The following GARIN3 variants were observed in gnomAD, a reference collection of about 807,000 sequenced individuals.
GARIN3 encodes golgi associated RAB2 interactor family member 3, also known as Golgi-associated RAB2 interactor protein 3.
chr5:157,165,949 TGCCCACTGTCA>T, the GARIN3 span: 1 of 1,614,192 alleles, frequency 6.2e-7, no homozygotes, highest in South Asian at 1.1e-5. Flanking sequence ...GTGCAGACGA[TGCCCACTGTCA>T]CCATTCGGAC....
chr5:157,166,264 T>C, the GARIN3 span: 1 of 1,498,896 alleles, frequency 6.7e-7, no homozygotes, highest in Non-Finnish European at 8.9e-7. Context: ...ACAGGACTTC[T>C]GCCTAAATCT....
chr5:157,163,060 A>C, the GARIN3 span: 1 of 1,614,220 alleles, frequency 6.2e-7, no homozygotes, highest in East Asian at 2.2e-5. Context: ...TTCGCTTTGC[A>C]AGGTGGAGAT....
chr5:157,162,989 T>C, the GARIN3 span: 1 of 1,614,248 alleles, frequency 6.2e-7, no homozygotes, highest in Non-Finnish European at 8.5e-7. Flanking sequence ...TTGTTTTCAT[T>C]CCAGACTTCA....
chr5:157,164,025 G>A, the GARIN3 span, among the ~76,000 whole-genome samples: 8 of 151,324 alleles, frequency 5.3e-5, no homozygotes, highest in African/African-American at 1.7e-4. Flanking sequence ...CCACTCCACT[G>A]CACTCCAGCC....
At chr5:157,162,906 G>T in the GARIN3 span, 9 of 1,614,066 alleles carry the variant, frequency 5.6e-6, no homozygotes, top group African/African-American at 9.3e-5. Context: ...CTCTCCTGCG[G>T]TGACTTTCAC....
chr5:157,162,846 ATGGCCAG>A, the GARIN3 span: 1 of 1,613,958 alleles, frequency 6.2e-7, no homozygotes, highest in Non-Finnish European at 8.5e-7. Flanking sequence ...TCGTGTTTTT[ATGGCCAG>A]ATGCGGACCG....
the GARIN3 span, among the ~76,000 whole-genome samples, chr5:157,165,288 C>T: frequency 2.2e-4 from 33 of 152,240 alleles, no homozygotes; most frequent in South Asian, 6.2e-4. Context: ...AAAAGACTGA[C>T]GATCAGGATG....
At chr5:157,162,722 G>T in the GARIN3 span, 1 of 1,614,080 alleles carries the variant, frequency 6.2e-7, no homozygotes, top group Admixed American at 1.7e-5. Flanking sequence ...TTCTTCCCCA[G>T]TTCCTGAGTT....
chr5:157,165,815 C>T, the GARIN3 span: 3 of 1,614,108 alleles, frequency 1.9e-6, no homozygotes, highest in Non-Finnish European at 2.5e-6. Flanking sequence ...GTCTCGTGAG[C>T]TCTAGAGTCT....
chr5:157,162,330 T>C, the GARIN3 span: 1 of 1,424,874 alleles, frequency 7.0e-7, no homozygotes, highest in South Asian at 1.4e-5. Context: ...CAGGAGATTG[T>C]ATTTCTTTTG....
the GARIN3 span, chr5:157,162,325 G>A: frequency 1.4e-6 from 2 of 1,413,226 alleles, no homozygotes; most frequent in Admixed American, 2.3e-5. Flanking sequence ...TCAAGCAGGA[G>A]ATTGTATTTC....
At chr5:157,165,579 T>A in the GARIN3 span, 1 of 1,611,860 alleles carries the variant, frequency 6.2e-7, no homozygotes, top group East Asian at 2.2e-5. Context: ...GCTTTTGTTG[T>A]CTTCGGGTGG....
chr5:157,162,877 T>G, the GARIN3 span: 1 of 1,614,212 alleles, frequency 6.2e-7, no homozygotes, highest in Non-Finnish European at 8.5e-7. Context: ...GGAAGACGCT[T>G]TCTGATTCTT....
the GARIN3 span, chr5:157,163,731 T>G: frequency 6.6e-7 from 1 of 1,524,364 alleles, no homozygotes; most frequent in Non-Finnish European, 8.8e-7. Flanking sequence ...TACTCCTCTC[T>G]TATCCTGGAG....
At chr5:157,164,422 G>T in the GARIN3 span, among the ~76,000 whole-genome samples, 1 of 152,098 alleles carries the variant, frequency 6.6e-6, no homozygotes, top group Non-Finnish European at 1.5e-5. Flanking sequence ...AAAGTGCTGG[G>T]TTAACAAGCA....
the GARIN3 span, among the ~76,000 whole-genome samples, chr5:157,164,123 A>G: frequency 1.3e-5 from 2 of 151,626 alleles, no homozygotes; most frequent in Admixed American, 1.3e-4. Flanking sequence ...AACCTCTAAA[A>G]TCATTAAGTC....
chr5:157,164,942 C>G, the GARIN3 span, among the ~76,000 whole-genome samples: 1 of 152,058 alleles, frequency 6.6e-6, no homozygotes, highest in Non-Finnish European at 1.5e-5. Context: ...TCTCTTGAAC[C>G]CAGGAGGCAG....
At chr5:157,162,166 T>C in the GARIN3 span, 3 of 464,574 alleles carry the variant, frequency 6.5e-6, no homozygotes, top group African/African-American at 2.0e-5. Flanking sequence ...CAAAAGGGAT[T>C]GAGGCAAAGC....
chr5:157,164,794 T>C, the GARIN3 span, among the ~76,000 whole-genome samples: 1 of 151,932 alleles, frequency 6.6e-6, no homozygotes, highest in Non-Finnish European at 1.5e-5. Flanking sequence ...ACTTCTTCAT[T>C]GTTAAAAATA....
Sources: allele counts gnomAD v4.1 joint callset (sites outside exome capture counted in the v4.1 genomes callset), GRCh38; gene constraint gnomAD v4.1.1; transcripts MANE v1.5; gene names NCBI Gene and HGNC (gene_info 2026-07-23, HGNC 2026-07-21).